ADAMTS14: variants seen among roughly 807,000 people sequenced by gnomAD.
ADAMTS14 encodes ADAM metallopeptidase with thrombospondin type 1 motif 14.
Under a neutral mutation model 128.6 loss-of-function variants are expected in ADAMTS14, and 100 were observed. That is an observed-to-expected ratio of 0.78 (90% confidence interval 0.66 to 0.92). The LOEUF (loss-of-function observed/expected upper bound fraction) is 0.92. Ranked by LOEUF, ADAMTS14 falls within the 40% of genes least tolerant of loss-of-function variation. ADAMTS14 has a pLI of 0.00. For synonymous variants in ADAMTS14, 665 were observed against 653.8 expected, an observed-to-expected ratio of 1.02 and a Z score of -0.26; for missense variants, 1,562 against 1,658.6, an observed-to-expected ratio of 0.94 and a Z score of 1.01.
At chr10:70,712,843 A>C (rs568325905) in intron 4 of ADAMTS14, among the ~76,000 whole-genome samples, 1 of 152,196 alleles carries the variant, frequency 6.6e-6, no homozygotes, top group Non-Finnish European at 1.5e-5. Context: ...CCTCCTTAAA[A>C]ATCTCTGCCC....
intron 3 of ADAMTS14, among the ~76,000 whole-genome samples, chr10:70,705,512 T>A (rs1840636974): frequency 6.6e-6 from 1 of 152,254 alleles, no homozygotes; most frequent in Non-Finnish European, 1.5e-5. Flanking sequence ...GGTGGGTTTT[T>A]AAAACTATAT....
At chr10:70,757,398 G>A (rs1039240978) in intron 19 of ADAMTS14, among the ~76,000 whole-genome samples, 1 of 152,166 alleles carries the variant, frequency 6.6e-6, no homozygotes, top group Non-Finnish European at 1.5e-5. Context: ...CTAGTCAGAG[G>A]AGGGTCCATG....
At chr10:70,709,504 T>TTTC (rs1840774222) in intron 4 of ADAMTS14, among the ~76,000 whole-genome samples, 1 of 138,066 alleles carries the variant, frequency 7.2e-6, no homozygotes, top group South Asian at 2.4e-4. Flanking sequence ...AGTTTTTTTT[T>TTTC]TTTTTTTTTT....
chr10:70,755,425 A>G (rs1385504299), intron 19 of ADAMTS14, among the ~76,000 whole-genome samples: 1 of 152,050 alleles, frequency 6.6e-6, no homozygotes, highest in Non-Finnish European at 1.5e-5. Flanking sequence ...AGGGTGAATG[A>G]GGGGTTAGTG....
chr10:70,679,977 AG>A (rs1240623505), intron 2 of ADAMTS14, among the ~76,000 whole-genome samples: 2 of 152,226 alleles, frequency 1.3e-5, no homozygotes, highest in Non-Finnish European at 2.9e-5. Context: ...CTTCAGGGTA[AG>A]GGCCTTCTTT....
At chr10:70,706,716 G>C (rs1186623524) in intron 3 of ADAMTS14, among the ~76,000 whole-genome samples, 1 of 152,226 alleles carries the variant, frequency 6.6e-6, no homozygotes, top group Admixed American at 6.5e-5. Flanking sequence ...CGTTTTTCCA[G>C]CTCTTAAGTC....
At chr10:70,727,444 A>G (rs951791204) in intron 4 of ADAMTS14, among the ~76,000 whole-genome samples, 1 of 152,234 alleles carries the variant, frequency 6.6e-6, no homozygotes, top group Non-Finnish European at 1.5e-5. Context: ...GAGCAAGACT[A>G]TGCATGGAGC....
chr10:70,733,737 C>T lies in ADAMTS14; in HGVS notation c.1209-148C>T. The T allele has an allele frequency of 2.0e-6, 2 of 994,996 alleles. 1 individual carries two copies. Among genetic ancestry groups the T allele is most frequent in the South Asian group, 3.6e-5 (2 of 56,218 alleles). The allele number at this position is 994,996 out of a possible 1,614,324, so 61.6% of individuals were successfully genotyped here. Reference sequence around the variant, plus strand: ...CCTTGGAGAGAAGATTGGTCCTCCCCACTACGTGGTTGGAAAACTGAGGCC... The same window carrying T: ...CCTTGGAGAGAAGATTGGTCCTCCCTACTACGTGGTTGGAAAACTGAGGCC... On this transcript the variant is annotated intron_variant, in intron 7 of 21. Coordinates refer to ENST00000373207, the MANE Select transcript of ADAMTS14 (RefSeq NM_080722.4).
chr10:70,711,487 G>T (rs764912518), intron 4 of ADAMTS14, among the ~76,000 whole-genome samples: 7 of 152,356 alleles, frequency 4.6e-5, no homozygotes, highest in Non-Finnish European at 1.0e-4. Flanking sequence ...ACCCCAGTTT[G>T]TGTCTGCTAC....
intron 21 of ADAMTS14, among the ~76,000 whole-genome samples, chr10:70,758,679 T>C (rs960138059): frequency 6.6e-6 from 1 of 152,238 alleles, no homozygotes; most frequent in Non-Finnish European, 1.5e-5. Context: ...TTCTGAACTA[T>C]ATCTGGTTCC....
At position 70,690,090 on chromosome 10, in the gene ADAMTS14, A is replaced by G. The variant is rs1381592905; in HGVS notation, c.523-12222A>G. Among the ~76,000 whole-genome samples the G allele has an allele frequency of 3.5e-5, 5 of 144,736 alleles. 2 individuals carry two copies. Among genetic ancestry groups the G allele is most frequent in the Admixed American group, 6.9e-5 (1 of 14,536 alleles). 95.0% of individuals were successfully genotyped at this position (144,736 alleles called of 152,430 possible). On this transcript the variant is annotated intron_variant, in intron 2 of 21. Coordinates refer to ENST00000373207, the MANE Select transcript of ADAMTS14 (RefSeq NM_080722.4). ...CCAGCACCTAGATCAGGGGCTTCTC[A>G]GTCATCATCTGATGAATGAATGAGT...
intron 2 of ADAMTS14, among the ~76,000 whole-genome samples, chr10:70,683,231 T>C (rs765408633): frequency 6.6e-6 from 1 of 152,160 alleles, no homozygotes; most frequent in Non-Finnish European, 1.5e-5. Flanking sequence ...AGCACTCCCT[T>C]CGTGAGCAAG....
chr10:70,753,078 C>T (rs73278041), intron 18 of ADAMTS14, among the ~76,000 whole-genome samples: 11,139 of 152,324 alleles, frequency 0.073, 478 homozygotes, highest in Middle Eastern at 0.1. Context: ...CCAGCCCCTA[C>T]CCCTTTGGGG....
At chr10:70,683,160 G>A (rs1315835662) in intron 2 of ADAMTS14, among the ~76,000 whole-genome samples, 10 of 152,224 alleles carry the variant, frequency 6.6e-5, no homozygotes, top group African/African-American at 9.6e-5. Flanking sequence ...ATGTGCTCAC[G>A]TAGTCACTCT....
chr10:70,712,397 A>G (rs759889652), intron 4 of ADAMTS14, among the ~76,000 whole-genome samples: 12 of 152,246 alleles, frequency 7.9e-5, no homozygotes, highest in Non-Finnish European at 1.5e-4. Flanking sequence ...TTGTTAAAAG[A>G]TAATTTTCAG....
chr10:70,751,108 A>G (rs1489774860), intron 16 of ADAMTS14, among the ~76,000 whole-genome samples: 1 of 152,238 alleles, frequency 6.6e-6, no homozygotes, highest in Non-Finnish European at 1.5e-5. Context: ...GAGGGTCAGT[A>G]TCCGAACCAT....
intron 4 of ADAMTS14, among the ~76,000 whole-genome samples, chr10:70,728,082 C>T (rs1038023770): frequency 3.3e-4 from 46 of 139,990 alleles, no homozygotes; most frequent in Middle Eastern, 7.6e-3. Flanking sequence ...GGCAATAGAG[C>T]GAGACTCCAC....
chr10:70,755,280 C>G (rs1299904772), intron 19 of ADAMTS14, among the ~76,000 whole-genome samples: 2 of 149,716 alleles, frequency 1.3e-5, no homozygotes, highest in Non-Finnish European at 3.0e-5. Context: ...CCACTGCACT[C>G]CAGCCTGAGT....
At chr10:70,742,025 G>C (rs905126667) in intron 12 of ADAMTS14, among the ~76,000 whole-genome samples, 5 of 152,130 alleles carry the variant, frequency 3.3e-5, no homozygotes, top group Non-Finnish European at 5.9e-5. Flanking sequence ...CTGGAGCCTG[G>C]GCTCCACCCC....
Sources: gnomAD v4.1 joint callset for allele counts (sites outside exome capture counted in the v4.1 genomes callset) on GRCh38, gnomAD v4.1.1 for gene constraint, MANE v1.5 for transcripts, NCBI Gene and HGNC (gene_info 2026-07-23, HGNC 2026-07-21) for gene names.